Variants in AGBL4 observed in about 807,000 individuals in gnomAD.
AGBL4 encodes the protein cytosolic carboxypeptidase 6.
A neutral mutation model predicts 66.4 loss-of-function variants in AGBL4; 58 were observed. The ratio of observed to expected loss-of-function variants is 0.87; its 90% CI spans 0.71 to 1.09. The LOEUF (loss-of-function observed/expected upper bound fraction) is 1.09. Among genes scored for constraint, AGBL4 ranks in the 50% least tolerant of loss-of-function variants. The probability of loss-of-function intolerance (pLI) is 0.00; values close to 1 mark genes in which losing one functional copy is unlikely to be tolerated. For missense variants in AGBL4, 579 were observed against 631.0 expected (o/e 0.92, Z 0.88); for synonymous variants, 234 against 222.9 (o/e 1.05, Z -0.44).
chr1:48,981,185 G>A lies in AGBL4; in HGVS notation c.594+64399C>T, dbSNP rs537248407. On this transcript the variant is annotated intron_variant, in intron 5 of 13. Transcript: ENST00000371839. ...CAAGAACATCTGTGTATTTTGTTAC[G>A]AGGCCTGGGCCTTAGTTATCTTCCC... is the stretch of plus-strand genomic sequence containing the variant. 5.3e-5 allele frequency among the ~76,000 whole-genome samples: 8 copies of A among 152,256 alleles called. No homozygotes were observed. In the East Asian group the frequency reaches 9.7e-4, roughly 18 times the overall value.
chr1:49,280,278 C>T lies in AGBL4; in HGVS notation c.283-34414G>A, dbSNP rs763031097. Reference sequence around the variant, plus strand: ...TGAAAAACCCCAGCCCCCATGTTCTCTGAGAGATTGATTTGAGTATTAACC... The same window carrying T: ...TGAAAAACCCCAGCCCCCATGTTCTTTGAGAGATTGATTTGAGTATTAACC... On this transcript the variant is annotated intron_variant, in intron 3 of 13. Transcript: ENST00000371839. 6.6e-5 allele frequency among the ~76,000 whole-genome samples: 10 copies of T among 152,158 alleles called. 1 individual carries two copies. The highest frequency in any genetic ancestry group is 8.8e-5 in the Non-Finnish European group (6 of 68,036).
chr1:49,358,355 C>T (rs1245868535), intron 3 of AGBL4, among the ~76,000 whole-genome samples: 1 of 151,908 alleles, frequency 6.6e-6, no homozygotes, highest in African/African-American at 2.4e-5. Context: ...AACACTCCTG[C>T]TTATGGGTAC....
intron 2 of AGBL4, among the ~76,000 whole-genome samples, chr1:49,811,342 C>T (rs527252243): frequency 1.3e-5 from 2 of 152,092 alleles, no homozygotes; most frequent in South Asian, 2.1e-4. Flanking sequence ...ATTTATAGCG[C>T]TTAATTGAGA....
In AGBL4 at chr1:49,991,309, G is replaced by A. The variant is rs546495008; in HGVS notation, c.34+32454C>T. Among the ~76,000 whole-genome samples the A allele has an allele frequency of 1.2e-4, 19 of 152,032 alleles. No homozygotes were observed. In the South Asian group the frequency reaches 3.7e-3, roughly 30 times the overall value. ...TTCCCCTTGTAGGACATTAGTTTTA[G>A]TATATATTAAAAAACACGTATATAA... On this transcript the variant is annotated intron_variant, in intron 1 of 13. Coordinates refer to ENST00000371839, the MANE Select transcript of AGBL4 (RefSeq NM_032785.4).
intron 6 of AGBL4, among the ~76,000 whole-genome samples, chr1:48,734,684 A>G (rs1270270763): frequency 6.6e-6 from 1 of 152,164 alleles, no homozygotes; most frequent in African/African-American, 2.4e-5. Context: ...CATTATAAAG[A>G]TGCTTCTTCC....
At chr1:48,661,624 G>A (rs1646108994) in intron 7 of AGBL4, among the ~76,000 whole-genome samples, 1 of 152,190 alleles carries the variant, frequency 6.6e-6, no homozygotes, top group Non-Finnish European at 1.5e-5. Context: ...TAGTAACAGG[G>A]TCTTCAGAGA....
chr1:48,598,087 G>T (rs1645022716), intron 9 of AGBL4, among the ~76,000 whole-genome samples: 1 of 152,208 alleles, frequency 6.6e-6, no homozygotes, highest in South Asian at 2.1e-4. Context: ...ACAAACACTG[G>T]AGCTAAGCCT....
chr1:49,336,109 A>G (rs1221683744), intron 3 of AGBL4, among the ~76,000 whole-genome samples: 10 of 152,158 alleles, frequency 6.6e-5, no homozygotes, highest in Admixed American at 6.5e-4. Flanking sequence ...GACCTAGGAG[A>G]CCCAATGGTT....
chr1:49,727,831 T>C (rs1368550149), intron 2 of AGBL4, among the ~76,000 whole-genome samples: 2 of 152,168 alleles, frequency 1.3e-5, no homozygotes, highest in Non-Finnish European at 2.9e-5. Context: ...TTTGACACTA[T>C]AGAGGTTTAC....
chr1:49,927,840 A>G (rs2148255969), intron 1 of AGBL4, among the ~76,000 whole-genome samples: 1 of 152,352 alleles, frequency 6.6e-6, no homozygotes, highest in East Asian at 1.9e-4. Flanking sequence ...GTAGCATGCA[A>G]TAGTCAGAAA....
chr1:49,564,975 A>G (rs1022964594), intron 3 of AGBL4, among the ~76,000 whole-genome samples: 1 of 152,152 alleles, frequency 6.6e-6, no homozygotes, highest in Non-Finnish European at 1.5e-5. Context: ...GACTTGCTTT[A>G]TGAATCTGGG....
At chr1:48,623,316 T>C (rs1645446221) in intron 9 of AGBL4, among the ~76,000 whole-genome samples, 1 of 152,236 alleles carries the variant, frequency 6.6e-6, no homozygotes. Context: ...TCAAGGCTCA[T>C]TGGCCAGAAG....
intron 3 of AGBL4, among the ~76,000 whole-genome samples, chr1:49,376,788 C>T (rs1211008777): frequency 6.6e-6 from 1 of 151,986 alleles, no homozygotes; most frequent in Non-Finnish European, 1.5e-5. Context: ...GTCCCAGATC[C>T]CTACTTGTAT....
intron 1 of AGBL4, among the ~76,000 whole-genome samples, chr1:49,931,211 T>C (rs1653315233): frequency 6.6e-6 from 1 of 152,154 alleles, no homozygotes; most frequent in South Asian, 2.1e-4. Context: ...ACACTATCTC[T>C]ATATTATAAA....
intron 4 of AGBL4, among the ~76,000 whole-genome samples, chr1:49,086,230 G>A (rs1380382210): frequency 3.3e-5 from 5 of 152,134 alleles, no homozygotes; most frequent in Non-Finnish European, 4.4e-5. Flanking sequence ...TCATTGCCCT[G>A]AGAAATAGTC....
chr1:49,843,505 C>T (rs985071719), intron 2 of AGBL4, among the ~76,000 whole-genome samples: 14 of 152,182 alleles, frequency 9.2e-5, no homozygotes, highest in African/African-American at 3.4e-4. Flanking sequence ...TGGCCTTGTC[C>T]ATCTTCACAG....
At chr1:49,596,294 A>G (rs1444723265) in intron 3 of AGBL4, among the ~76,000 whole-genome samples, 1 of 152,128 alleles carries the variant, frequency 6.6e-6, no homozygotes, top group Non-Finnish European at 1.5e-5. Flanking sequence ...AAGCCTCCTG[A>G]GTAGCTGGGG....
chr1:48,943,303 T>C (rs1330026790), intron 5 of AGBL4, among the ~76,000 whole-genome samples: 1 of 152,202 alleles, frequency 6.6e-6, no homozygotes, highest in Non-Finnish European at 1.5e-5. Flanking sequence ...TGTCTTGCTT[T>C]ATGAAATTTG....
chr1:48,937,019 C>A (rs1332638686), intron 5 of AGBL4, among the ~76,000 whole-genome samples: 1 of 152,178 alleles, frequency 6.6e-6, no homozygotes, highest in Admixed American at 6.5e-5. Context: ...GGGGCCTCAG[C>A]AAACATATCA....
Sources: gnomAD v4.1 joint callset for allele counts (sites outside exome capture counted in the v4.1 genomes callset) on GRCh38, gnomAD v4.1.1 for gene constraint, MANE v1.5 for transcripts, NCBI Gene and HGNC (gene_info 2026-07-23, HGNC 2026-07-21) for gene names.